AOX1: variants seen among roughly 807,000 people sequenced by gnomAD.
The protein encoded by AOX1 is aldehyde oxidase.
A neutral mutation model predicts 169.5 loss-of-function variants in AOX1; 153 were observed. That is an observed-to-expected ratio of 0.90 (90% CI 0.79 to 1.03). AOX1 has a LOEUF of 1.03. Among genes scored for constraint, AOX1 ranks in the 50% least tolerant of loss-of-function variants. AOX1 has a pLI of 0.00. For synonymous variants in AOX1, 562 were observed against 581.9 expected (o/e 0.97, Z 0.49); for missense variants, 1,656 against 1,663.9 (o/e 1.00, Z 0.08).
intron 16 of AOX1, 57 bp from the exon 17 acceptor site, chr2:200,620,593 T>G (rs1559241684): frequency 1.4e-6 from 2 of 1,381,354 alleles, no homozygotes; most frequent in Non-Finnish European, 1.9e-6. Flanking sequence ...TGCATAATAA[T>G]AATTCCTACT....
At chr2:200,630,877 A>C (rs999493843) in intron 20 of AOX1, among the ~76,000 whole-genome samples, 2 of 152,124 alleles carry the variant, frequency 1.3e-5, no homozygotes, top group Admixed American at 6.5e-5. Context: ...GAGCATCAGG[A>C]AGAATAGCTA....
chr2:200,630,570 GGAAGGAAGGAAGGAAGGA>G, intron 20 of AOX1, among the ~76,000 whole-genome samples: 1 of 88,626 alleles, frequency 1.1e-5, no homozygotes, highest in Non-Finnish European at 2.7e-5. Context: ...AAGGAAGGAA[GGAAGGAAGGAAGGAAGGA>G]AGGAAGGAAG....
At chr2:200,623,717 A>G (rs2034937358) in intron 18 of AOX1, 144 bp from the exon 19 acceptor site, 4 of 1,280,106 alleles carry the variant, frequency 3.1e-6, no homozygotes, top group Non-Finnish European at 4.4e-6. Context: ...GGTTATAGTC[A>G]TGGACAGATG....
chr2:200,591,937 T>C (rs1337053471), intron 1 of AOX1, among the ~76,000 whole-genome samples: 1 of 151,864 alleles, frequency 6.6e-6, no homozygotes, highest in Non-Finnish European at 1.5e-5. Flanking sequence ...GAAGCCCAAG[T>C]GGAAGAACTT....
intron 3 of AOX1, 50 bp downstream of exon 3, chr2:200,595,418 TTTGTTA>T: frequency 1.5e-6 from 2 of 1,370,380 alleles, no homozygotes; most frequent in Non-Finnish European, 2.0e-6. Context: ...AATTTTGAAC[TTTGTTA>T]TATTCCTTCA....
rs1446494974 is a variant in AOX1 at position 200,636,902 on chromosome 2, T to G, written c.2347-9T>G. The G allele has an allele frequency of 6.2e-7, 1 of 1,612,526 alleles. No homozygotes were observed. Among genetic ancestry groups the G allele is most frequent in the Admixed American group, 1.7e-5 (1 of 59,662 alleles). ...GGATCAGATTAATCAGAACTATTATTGTTCACAGGACATTGTTGCCTCAAC... is the reference window on the plus strand; with the variant it reads ...GGATCAGATTAATCAGAACTATTATGGTTCACAGGACATTGTTGCCTCAAC... On this transcript the variant is annotated splice_polypyrimidine_tract_variant and intron_variant, in intron 21 of 34. Transcript: ENST00000374700.
Position 200,591,751 on chromosome 2 carries a change from G to A in AOX1, c.46-1395G>A, listed in dbSNP as rs971158483. On this transcript the variant is annotated intron_variant, in intron 1 of 34. Transcript: ENST00000374700. ...TTAAATTTAGGCATATACATGAGAC[G>A]ATCAGGCTTGGGTTTTACAGCAGTC... Among the ~76,000 whole-genome samples the A allele has an allele frequency of 3.9e-5, 6 of 152,262 alleles. No homozygotes were observed. The South Asian group carries it at 6.2e-4, about 16-fold the overall frequency.
Position 200,623,967 on chromosome 2 carries a change from T to G in AOX1, c.2108T>G (p.Leu703Arg), listed in dbSNP as rs748908634. 6.2e-7 allele frequency: 1 copy of G among 1,614,142 alleles called. No homozygotes were observed. Among genetic ancestry groups the G allele is most frequent in the South Asian group, 1.1e-5 (1 of 91,084 alleles). ...VKIVYQDLEP[L>R]ILTIEESIQH... The stretch of plus-strand genomic sequence containing the variant: ...ATTGTCTATCAAGACTTGGAGCCGC[T>G]GATACTAACAATTGAGGTAATGAGT... Residue 703 changes from leucine (L) to arginine (R), a missense_variant, in exon 19 of 35, where the codon CTG becomes CGG. Physicochemically the swap from Leu to Arg is moderately radical, Grantham distance 102 (BLOSUM62 -2). Transcript: ENST00000374700.
intron 28 of AOX1, 72 bp from the exon 29 acceptor site, chr2:200,659,923 A>G (rs2105768361): frequency 8.5e-7 from 1 of 1,175,212 alleles, no homozygotes; most frequent in Non-Finnish European, 1.3e-6. Context: ...GGAATGGTAC[A>G]TATTATGTTG....
intron 25 of AOX1, among the ~76,000 whole-genome samples, chr2:200,648,993 A>C (rs2715911): frequency 0.6 from 90,720 of 151,898 alleles, 28,506 homozygotes; most frequent in Non-Finnish European, 0.71. Context: ...TGGGCTTGAA[A>C]ACTTGCCCTG....
At chr2:200,647,992 C>A (rs532788117) in intron 25 of AOX1, among the ~76,000 whole-genome samples, 1 of 152,214 alleles carries the variant, frequency 6.6e-6, no homozygotes, top group East Asian at 1.9e-4. Context: ...TCCCTAACTT[C>A]TTGTAACTTT....
intron 20 of AOX1, among the ~76,000 whole-genome samples, chr2:200,628,949 A>G (rs1226466588): frequency 1.3e-5 from 2 of 151,928 alleles, no homozygotes; most frequent in East Asian, 3.9e-4. Context: ...AAACAAACAA[A>G]CAAAAAACAC....
intron 3 of AOX1, among the ~76,000 whole-genome samples, chr2:200,596,364 G>C (rs554746524): frequency 6.6e-6 from 1 of 152,330 alleles, no homozygotes; most frequent in Admixed American, 6.5e-5. Context: ...CCTCTAGGGA[G>C]TGGCGACTAC....
At chr2:200,597,298 A>G (rs1282627935) in intron 3 of AOX1, 99 bp from the exon 4 acceptor site, 2 of 789,928 alleles carry the variant, frequency 2.5e-6, no homozygotes, top group African/African-American at 1.7e-5. Flanking sequence ...TACATTATAC[A>G]AAAACCTGCC....
At position 200,593,461 on chromosome 2, in the gene AOX1, A is replaced by T. The variant is rs890604313; in HGVS notation, c.103+258A>T. On this transcript the variant is annotated intron_variant, in intron 2 of 34. Coordinates refer to ENST00000374700, the MANE Select transcript of AOX1 (RefSeq NM_001159.4). The stretch of plus-strand genomic sequence containing the variant: ...TGGAAACTTAATAGACGTTAAAAGG[A>T]CCTAACTAAGCATCCTTTAGAATTA... Among the ~76,000 whole-genome samples the T allele has an allele frequency of 4.0e-5, 5 of 125,294 alleles. 1 individual carries two copies. Among genetic ancestry groups the T allele is most frequent in the Admixed American group, 8.4e-5 (1 of 11,876 alleles). The allele number at this position is 125,294 out of a possible 152,430, so 82.2% of individuals were successfully genotyped here.
chr2:200,680,315 A>G (rs990381417), downstream of AOX1, among the ~76,000 whole-genome samples: 1 of 152,180 alleles, frequency 6.6e-6, no homozygotes, highest in Non-Finnish European at 1.5e-5. Flanking sequence ...AGCACCCCAC[A>G]CCAAACCAAG....
intron 12 of AOX1, among the ~76,000 whole-genome samples, chr2:200,609,716 A>G (rs1020791790): frequency 3.9e-5 from 6 of 152,180 alleles, no homozygotes; most frequent in Admixed American, 3.9e-4. Flanking sequence ...ACTACATACT[A>G]TTGAGAACTA....
intron 2 of AOX1, among the ~76,000 whole-genome samples, chr2:200,594,402 T>C (rs1198491282): frequency 1.3e-5 from 2 of 152,166 alleles, no homozygotes; most frequent in Non-Finnish European, 2.9e-5. Context: ...TGAGGCATGT[T>C]TGCATGGCTA....
intron 5 of AOX1, among the ~76,000 whole-genome samples, chr2:200,600,128 C>T (rs1255698476): frequency 6.6e-6 from 1 of 152,124 alleles, no homozygotes; most frequent in South Asian, 2.1e-4. Flanking sequence ...AGTTACACCC[C>T]CAATAAGTGG....
Sources: gnomAD v4.1 joint callset for allele counts (sites outside exome capture counted in the v4.1 genomes callset) on GRCh38, gnomAD v4.1.1 for gene constraint, MANE v1.5 for transcripts, NCBI Gene and HGNC (gene_info 2026-07-23, HGNC 2026-07-21) for gene names.